The following GABBR2 variants were observed in gnomAD, a reference collection of about 807,000 sequenced individuals.
The protein encoded by GABBR2 is gamma-aminobutyric acid type B receptor subunit 2.
Under a neutral mutation model 105.6 loss-of-function variants are expected in GABBR2, and 23 were observed. The ratio of observed to expected loss-of-function variants is 0.22; its 90% CI spans 0.16 to 0.31. GABBR2 has a LOEUF of 0.31. Among genes scored for constraint, GABBR2 ranks in the 10% least tolerant of loss-of-function variants. The pLI, the probability that GABBR2 is intolerant of heterozygous loss-of-function variation, is 1.00. For missense variants in GABBR2, 734 were observed against 1,245.5 expected, an observed-to-expected ratio of 0.59 and a Z score of 6.18; for synonymous variants, 478 against 499.7, an observed-to-expected ratio of 0.96 and a Z score of 0.58.
intron 14 of GABBR2, among the ~76,000 whole-genome samples, chr9:98,309,429 AG>A (rs1274740413): frequency 6.6e-6 from 1 of 152,254 alleles, no homozygotes; most frequent in Non-Finnish European, 1.5e-5. Flanking sequence ...CTATTCAACC[AG>A]GGTCAGGGAG....
intron 2 of GABBR2, among the ~76,000 whole-genome samples, chr9:98,572,861 C>G (rs1043054483): frequency 6.6e-6 from 1 of 152,166 alleles, no homozygotes; most frequent in East Asian, 1.9e-4. Context: ...AGTTCCAAGC[C>G]CCCCCAGCAT....
At chr9:98,707,859 C>G (rs1830919299) in intron 1 of GABBR2, among the ~76,000 whole-genome samples, 2 of 152,224 alleles carry the variant, frequency 1.3e-5, no homozygotes, top group South Asian at 2.1e-4. Context: ...CCGCGCGGAG[C>G]GGGCTCAGAG....
At chr9:98,324,493 GAC>G (rs3983548) in intron 13 of GABBR2, among the ~76,000 whole-genome samples, 15,112 of 142,838 alleles carry the variant, frequency 0.11, 868 homozygotes, top group African/African-American at 0.17. Context: ...CTACAGAGCC[GAC>G]ACACACACAC....
intron 7 of GABBR2, among the ~76,000 whole-genome samples, chr9:98,425,496 C>T (rs530697842): frequency 5.3e-5 from 8 of 152,274 alleles, no homozygotes; most frequent in African/African-American, 1.9e-4. Flanking sequence ...CTCTTCTGGG[C>T]CACGCACTGT....
At chr9:98,479,161 T>G (rs1294680871) in intron 5 of GABBR2, among the ~76,000 whole-genome samples, 4 of 152,224 alleles carry the variant, frequency 2.6e-5, no homozygotes, top group African/African-American at 9.6e-5. Flanking sequence ...TACTCTCCAC[T>G]GATAAATAGA....
At chr9:98,515,490 T>C (rs1224993838) in intron 3 of GABBR2, among the ~76,000 whole-genome samples, 3 of 152,226 alleles carry the variant, frequency 2.0e-5, no homozygotes, top group Admixed American at 6.5e-5. Context: ...CCTCAACTTA[T>C]GTTCTGCTCT....
At chr9:98,679,804 A>G (rs757378462) in intron 1 of GABBR2, among the ~76,000 whole-genome samples, 2 of 152,218 alleles carry the variant, frequency 1.3e-5, no homozygotes, top group Non-Finnish European at 2.9e-5. Flanking sequence ...CTCTGAAGAC[A>G]CAGGAGCACA....
intron 1 of GABBR2, among the ~76,000 whole-genome samples, chr9:98,632,910 T>C (rs765973159): frequency 6.6e-6 from 1 of 152,234 alleles, no homozygotes; most frequent in Non-Finnish European, 1.5e-5. Flanking sequence ...TGGTGCCTTC[T>C]AAGAGCAAAG....
chr9:98,453,077 A>T (rs2131602132), intron 7 of GABBR2, among the ~76,000 whole-genome samples: 1 of 151,972 alleles, frequency 6.6e-6, no homozygotes, highest in East Asian at 1.9e-4. Context: ...CCCAGGCTGG[A>T]GTGCAATGAC....
intron 1 of GABBR2, among the ~76,000 whole-genome samples, chr9:98,626,352 CA>C (rs1385831968): frequency 6.6e-6 from 1 of 152,132 alleles, no homozygotes; most frequent in Non-Finnish European, 1.5e-5. Flanking sequence ...GTGAATATAT[CA>C]AAAACACTTA....
At chr9:98,326,218 A>G (rs935254151) in intron 13 of GABBR2, among the ~76,000 whole-genome samples, 1 of 152,246 alleles carries the variant, frequency 6.6e-6, no homozygotes, top group African/African-American at 2.4e-5. Context: ...TCTATGAACC[A>G]AAGAATGTGA....
chr9:98,584,789 C>G (rs1373528258), intron 1 of GABBR2, among the ~76,000 whole-genome samples: 1 of 152,178 alleles, frequency 6.6e-6, no homozygotes, highest in Non-Finnish European at 1.5e-5. Flanking sequence ...AATTTAAAAG[C>G]TAATGTGTCC....
At chr9:98,361,113 T>C (rs1831574061) in intron 13 of GABBR2, among the ~76,000 whole-genome samples, 2 of 151,706 alleles carry the variant, frequency 1.3e-5, no homozygotes, top group Admixed American at 1.3e-4. Flanking sequence ...CCCAGATCTG[T>C]GGCCAATGAA....
At chr9:98,645,728 G>C (rs1387029887) in intron 1 of GABBR2, among the ~76,000 whole-genome samples, 1 of 152,158 alleles carries the variant, frequency 6.6e-6, no homozygotes, top group Non-Finnish European at 1.5e-5. Flanking sequence ...TTCCCCTACT[G>C]CAGCCAAGCA....
At chr9:98,542,815 G>C (rs1221234104) in intron 2 of GABBR2, among the ~76,000 whole-genome samples, 4 of 152,024 alleles carry the variant, frequency 2.6e-5, no homozygotes, top group Non-Finnish European at 5.9e-5. Context: ...GAATCATATC[G>C]CATTCATGGT....
intron 13 of GABBR2, among the ~76,000 whole-genome samples, chr9:98,330,150 C>T (rs999526647): frequency 6.6e-6 from 1 of 152,172 alleles, no homozygotes; most frequent in African/African-American, 2.4e-5. Context: ...CGGCAAGCTG[C>T]CAGACCCAAC....
chr9:98,452,499 T>A (rs1826249331), intron 7 of GABBR2, among the ~76,000 whole-genome samples: 2 of 152,202 alleles, frequency 1.3e-5, no homozygotes, highest in Non-Finnish European at 2.9e-5. Flanking sequence ...AGTTCCAGGT[T>A]CCTCACTGTT....
intron 6 of GABBR2, among the ~76,000 whole-genome samples, chr9:98,471,387 T>C (rs1218623361): frequency 2.0e-5 from 3 of 152,220 alleles, no homozygotes; most frequent in African/African-American, 7.2e-5. Context: ...GGTCAGCCTC[T>C]TCACCAATCC....
intron 1 of GABBR2, among the ~76,000 whole-genome samples, chr9:98,586,495 C>G (rs1425282936): frequency 6.6e-6 from 1 of 152,078 alleles, no homozygotes; most frequent in Non-Finnish European, 1.5e-5. Flanking sequence ...AGACGAGGTT[C>G]TGCCATGTTG....
Sources: allele counts gnomAD v4.1 joint callset (sites outside exome capture counted in the v4.1 genomes callset), GRCh38; gene constraint gnomAD v4.1.1; transcripts MANE v1.5; gene names NCBI Gene and HGNC (gene_info 2026-07-23, HGNC 2026-07-21).